Variants in PSG3 observed in about 807,000 individuals in gnomAD.
The protein encoded by PSG3 is pregnancy-specific beta-1-glycoprotein 3.
In PSG3, 61 loss-of-function variants were observed where a neutral mutation model predicts 47.5. The observed-to-expected ratio is 1.28, with a 90% CI of 1.05 to 1.59. PSG3 has a LOEUF of 1.59. Among genes scored for constraint, PSG3 ranks in the 40% most tolerant of loss-of-function variants. The pLI is 0.00. For missense variants in PSG3, 756 were observed against 524.0 expected (o/e 1.44, Z -4.32); for synonymous variants, 263 against 198.4 (o/e 1.33, Z -2.74).
In PSG3 at chr19:42,729,332, T is replaced by C. The variant is rs557153041; in HGVS notation, c.1034A>G (p.His345Arg). 39 of 1,614,088 alleles carry C rather than the reference T, an allele frequency of 2.4e-5. No homozygotes were observed. Among genetic ancestry groups the C allele is most frequent in the South Asian group, 1.3e-4 (12 of 91,062 alleles). ...PRIYPSFTYY[H>R]SGENLYLSCF... ...GGACAAGTAGAGGTTTTCTCCTGAA[T>C]GGTAATAGGTGAATGAAGGGTAAAT... is the stretch of plus-strand genomic sequence containing the variant. The change falls in exon 5 of 7, where the codon CAT becomes CGT. Residue 345 changes from histidine to arginine, a missense_variant. Physicochemically the swap from His to Arg is conservative, Grantham distance 29. Coordinates refer to ENST00000327495, the MANE Select transcript of PSG3 (RefSeq NM_021016.4).
intron 1 of PSG3, 138 bp from the exon 2 acceptor site, chr19:42,739,227 C>T (rs1169316151): frequency 6.8e-6 from 9 of 1,325,340 alleles, no homozygotes; most frequent in Admixed American, 2.3e-5. Context: ...CACACACACA[C>T]ACACAAAAGG....
At chr19:42,723,755 A>C (rs1186271761) in intron 6 of PSG3, among the ~76,000 whole-genome samples, 187 bp downstream of exon 6, 1 of 152,208 alleles carries the variant, frequency 6.6e-6, no homozygotes, top group Non-Finnish European at 1.5e-5. Flanking sequence ...TATGTCTAAA[A>C]GACAGTGGGG....
At chr19:42,731,423 T>C (rs1969471636) in intron 3 of PSG3, among the ~76,000 whole-genome samples, 1 of 152,244 alleles carries the variant, frequency 6.6e-6, no homozygotes, top group Non-Finnish European at 1.5e-5. Flanking sequence ...CCCTTTTTTT[T>C]TCTCTCACCA....
At chr19:42,724,526 G>T (rs1969344928) in intron 5 of PSG3, among the ~76,000 whole-genome samples, 1 of 152,166 alleles carries the variant, frequency 6.6e-6, no homozygotes, top group Non-Finnish European at 1.5e-5. Context: ...AGTTCTCTGA[G>T]GCTCTCTTTA....
intron 5 of PSG3, among the ~76,000 whole-genome samples, chr19:42,724,598 A>G (rs1203356970): frequency 6.6e-6 from 1 of 152,122 alleles, no homozygotes; most frequent in Non-Finnish European, 1.5e-5. Flanking sequence ...TTATAATTGA[A>G]TTGGTACCTA....
In PSG3 at chr19:42,739,649, A is replaced by T. The variant is rs566904628; in HGVS notation, c.65-560T>A. Among the ~76,000 whole-genome samples, 51 of 152,328 alleles carry T rather than the reference A, an allele frequency of 3.3e-4. 1 individual carries two copies. The highest frequency in any genetic ancestry group is 8.9e-4 in the African/African-American group (37 of 41,574). On this transcript the variant is annotated intron_variant, in intron 1 of 6. Transcript: ENST00000327495. ...GACTCCTGTAGATGTGAGAGTTCTCAGGGCCCTCCATGCCCTGGGTGTTTT... is the reference window on the plus strand; with the variant it reads ...GACTCCTGTAGATGTGAGAGTTCTCTGGGCCCTCCATGCCCTGGGTGTTTT...
At chr19:42,727,851 CA>C (rs1384856740) in intron 5 of PSG3, among the ~76,000 whole-genome samples, 1 of 152,018 alleles carries the variant, frequency 6.6e-6, no homozygotes, top group African/African-American at 2.4e-5. Context: ...TCACACTAGC[CA>C]AAAAATGGAA....
intron 5 of PSG3, among the ~76,000 whole-genome samples, chr19:42,726,504 T>C (rs1969380147): frequency 6.6e-6 from 1 of 151,912 alleles, no homozygotes; most frequent in Non-Finnish European, 1.5e-5. Context: ...ATGAACAATC[T>C]GAAGGGAAAT....
intron 2 of PSG3, among the ~76,000 whole-genome samples, chr19:42,734,548 T>C (rs1161530854): frequency 6.6e-6 from 1 of 152,202 alleles, no homozygotes; most frequent in Non-Finnish European, 1.5e-5. Context: ...AATGTTTTCA[T>C]AAGTGGAAAT....
rs762258479 is a variant in PSG3 at position 42,729,299 on chromosome 19, G to A, written c.1067C>T (p.Ala356Val). 66 of 1,614,020 alleles carry A rather than the reference G, an allele frequency of 4.1e-5. No individual in the cohort carries two copies. Among genetic ancestry groups the A allele is most frequent in the South Asian group, 4.0e-4 (36 of 91,088 alleles). Residue 356 changes from alanine to valine, a missense_variant, in exon 5 of 7, where the codon GCG becomes GTG. By Grantham distance (64) the Ala-to-Val change is moderately conservative. Transcript: ENST00000327495. ...SGENLYLSCF[A>V]DSNPPAEYSW... is the part of the protein sequence containing the mutation. ...ATATTCTGCTGGTGGGTTAGAGTCC[G>A]CGAAGCAGGACAAGTAGAGGTTTTC...
intron 1 of PSG3, among the ~76,000 whole-genome samples, chr19:42,739,838 C>G (rs538520906): frequency 6.6e-6 from 1 of 152,182 alleles, no homozygotes; most frequent in Non-Finnish European, 1.5e-5. Flanking sequence ...ATTTTCCTAC[C>G]TCTTACCAAT....
chr19:42,729,497 C>G, intron 4 of PSG3, 120 bp from the exon 5 acceptor site: 1 of 1,499,592 alleles, frequency 6.7e-7, no homozygotes, highest in Non-Finnish European at 8.9e-7. Flanking sequence ...CCAGCCAAAC[C>G]CCCTCTATGT....
chr19:42,732,924 G>A lies in PSG3; in HGVS notation c.569C>T (p.Thr190Ile). 25 of 1,614,138 alleles carry A rather than the reference G, an allele frequency of 1.5e-5. No individual in the cohort carries two copies. The highest frequency in any genetic ancestry group is 1.9e-5 in the Non-Finnish European group (23 of 1,180,004). Residue 190 changes from threonine to isoleucine, a missense_variant, in exon 3 of 7, where the codon ACT becomes ATT. Coordinates refer to ENST00000327495, the MANE Select transcript of PSG3 (RefSeq NM_021016.4). Reference sequence around the variant, plus strand: ...GTTTTTGGACAACTGCAAGCTGTGAGTCATAGGGAGGCTCTGACCATTCAT... The same window carrying A: ...GTTTTTGGACAACTGCAAGCTGTGAATCATAGGGAGGCTCTGACCATTCAT... ...WWMNGQSLPM[T>I]HSLQLSKNKR...
At chr19:42,735,198 A>T (rs1453281544) in intron 2 of PSG3, among the ~76,000 whole-genome samples, 1 of 152,180 alleles carries the variant, frequency 6.6e-6, no homozygotes, top group Non-Finnish European at 1.5e-5. Flanking sequence ...GTCAAATCAA[A>T]ATATTAAATA....
Position 42,732,901 on chromosome 19 carries a change from T to A in PSG3, c.592A>T (p.Asn198Tyr). Residue 198 changes from asparagine to tyrosine, a missense_variant, in exon 3 of 7, where the codon AAC becomes TAC. Physicochemically the swap from Asn to Tyr is moderately radical, Grantham distance 143 (BLOSUM62 -2). Coordinates refer to ENST00000327495, the MANE Select transcript of PSG3 (RefSeq NM_021016.4). ...PMTHSLQLSK[N>Y]KRTLFLFGVT... ...CCAAATAGAAAGAGGGTCCTTTTGT[T>A]TTTGGACAACTGCAAGCTGTGAGTC... 6.2e-7 allele frequency: 1 copy of A among 1,614,108 alleles called. No homozygotes were observed. Among genetic ancestry groups the A allele is most frequent in the Non-Finnish European group, 8.5e-7 (1 of 1,179,992 alleles).
At chr19:42,735,066 G>C (rs568496605) in intron 2 of PSG3, among the ~76,000 whole-genome samples, 2 of 152,192 alleles carry the variant, frequency 1.3e-5, no homozygotes, top group Non-Finnish European at 2.9e-5. Context: ...AGGCAGTAAA[G>C]CCATCAGATA....
chr19:42,730,356 A>C lies in PSG3; in HGVS notation c.710-300T>G, dbSNP rs546655392. Among the ~76,000 whole-genome samples, 611 of 152,278 alleles carry C rather than the reference A, an allele frequency of 4.0e-3. 3 individuals carry two copies. Among genetic ancestry groups the C allele is most frequent in the African/African-American group, 0.013 (536 of 41,544 alleles). On this transcript the variant is annotated intron_variant, in intron 3 of 6. Coordinates refer to ENST00000327495, the MANE Select transcript of PSG3 (RefSeq NM_021016.4). ...CCCTGGTACCCCTCCCAGTCCCTCC[A>C]TAATCAGTTGACTGGCTGGCTCACC...
intron 5 of PSG3, among the ~76,000 whole-genome samples, chr19:42,727,256 T>G (rs963212756): frequency 6.6e-6 from 1 of 152,156 alleles, no homozygotes; most frequent in Non-Finnish European, 1.5e-5. Context: ...ATAAAATGGA[T>G]AAATCGGACT....
At chr19:42,728,193 T>G (rs779114959) in intron 5 of PSG3, among the ~76,000 whole-genome samples, 1 of 152,188 alleles carries the variant, frequency 6.6e-6, no homozygotes, top group African/African-American at 2.4e-5. Flanking sequence ...TGGAAATGGA[T>G]AGTGTGATGG....
Sources: allele counts gnomAD v4.1 joint callset (sites outside exome capture counted in the v4.1 genomes callset), GRCh38; gene constraint gnomAD v4.1.1; transcripts MANE v1.5; gene names NCBI Gene and HGNC (gene_info 2026-07-23, HGNC 2026-07-21).